Variants in ATRNL1 observed in about 807,000 individuals in gnomAD.
ATRNL1 encodes the protein attractin like 1.
A neutral mutation model predicts 182.7 loss-of-function variants in ATRNL1; 95 were observed. The ratio of observed to expected loss-of-function variants is 0.52; its 90% CI spans 0.44 to 0.62. ATRNL1 has a LOEUF of 0.62. ATRNL1 is among the 20% of genes least tolerant of loss of function. The probability of loss-of-function intolerance (pLI) is 0.00; values close to 1 mark genes in which losing one functional copy is unlikely to be tolerated. For synonymous variants in ATRNL1, 576 were observed against 568.3 expected (o/e 1.01, Z -0.19); for missense variants, 1,471 against 1,679.5 (o/e 0.88, Z 2.17).
At chr10:115,527,283 T>C (rs1851271733) in intron 25 of ATRNL1, among the ~76,000 whole-genome samples, 1 of 151,896 alleles carries the variant, frequency 6.6e-6, no homozygotes, top group Admixed American at 6.6e-5. Context: ...CACAGCTGAC[T>C]AAGTTTTTTG....
At chr10:115,680,867 C>T (rs1292477111) in intron 26 of ATRNL1, among the ~76,000 whole-genome samples, 2 of 151,966 alleles carry the variant, frequency 1.3e-5, no homozygotes, top group Admixed American at 1.3e-4. Flanking sequence ...ATGTGAATAC[C>T]ATGCTCTTTA....
intron 1 of ATRNL1, among the ~76,000 whole-genome samples, chr10:115,108,934 T>C (rs1844139549): frequency 2.0e-5 from 3 of 152,350 alleles, no homozygotes; most frequent in Admixed American, 6.5e-5. Flanking sequence ...TATTTGCTGC[T>C]TCATGTCAAG....
intron 1 of ATRNL1, among the ~76,000 whole-genome samples, chr10:115,113,435 A>G (rs1023865943): frequency 2.6e-5 from 4 of 152,124 alleles, no homozygotes; most frequent in Admixed American, 2.0e-4. Flanking sequence ...CCTAATTGAT[A>G]TGGTTTGGCT....
chr10:115,730,149 C>A (rs1555062217), intron 27 of ATRNL1, among the ~76,000 whole-genome samples: 1 of 147,496 alleles, frequency 6.8e-6, no homozygotes, highest in Non-Finnish European at 1.5e-5. Flanking sequence ...CCCAGTTACT[C>A]TGGAATATGA....
At chr10:115,531,480 T>G (rs1331908120) in intron 25 of ATRNL1, among the ~76,000 whole-genome samples, 2 of 152,054 alleles carry the variant, frequency 1.3e-5, no homozygotes, top group Non-Finnish European at 1.5e-5. Context: ...GGGTTGTTTG[T>G]TTTTTTCTTG....
chr10:115,770,281 G>A (rs1555076023), intron 27 of ATRNL1, among the ~76,000 whole-genome samples: 1 of 151,946 alleles, frequency 6.6e-6, no homozygotes, highest in African/African-American at 2.4e-5. Flanking sequence ...TGTGCATTCA[G>A]CTTCAAAATG....
intron 26 of ATRNL1, among the ~76,000 whole-genome samples, chr10:115,593,376 T>C (rs1354891228): frequency 2.0e-5 from 3 of 152,204 alleles, no homozygotes; most frequent in African/African-American, 7.2e-5. Context: ...AACAGCATGG[T>C]ATTGGCACAA....
Position 115,362,505 on chromosome 10 carries a change from G to C in ATRNL1, c.3175+28086G>C, listed in dbSNP as rs574232584. On this transcript the variant is annotated intron_variant, in intron 19 of 28. Transcript: ENST00000355044. ...TTAAAATCTGCTCAGCGGTTTACAA[G>C]TATGCAGTACATTGTTTTTTTTTTT... Among the ~76,000 whole-genome samples, 3 of 149,436 alleles carry C rather than the reference G, an allele frequency of 2.0e-5. No homozygotes were observed. In the East Asian group the frequency reaches 5.8e-4, roughly 29 times the overall value.
At chr10:115,755,252 T>C (rs782760421) in intron 27 of ATRNL1, among the ~76,000 whole-genome samples, 8 of 152,172 alleles carry the variant, frequency 5.3e-5, no homozygotes, top group Non-Finnish European at 1.2e-4. Flanking sequence ...TGTGCTGGTT[T>C]TCAAAGGTAA....
At chr10:115,934,896 T>A (rs1192688747) in intron 28 of ATRNL1, among the ~76,000 whole-genome samples, 1 of 152,220 alleles carries the variant, frequency 6.6e-6, no homozygotes, top group African/African-American at 2.4e-5. Flanking sequence ...CCATTTACAA[T>A]GTATGTCCTG....
intron 5 of ATRNL1, among the ~76,000 whole-genome samples, chr10:115,146,036 G>T (rs1468843408): frequency 6.6e-6 from 1 of 151,250 alleles, no homozygotes; most frequent in East Asian, 1.9e-4. Flanking sequence ...TAGAGATACT[G>T]TTAGGGTGTG....
At chr10:115,094,101 TCCCCGCCCCCCTCGCGGCCTC>T (rs1293817374) in intron 1 of ATRNL1, 58 bp downstream of exon 1, 37 of 1,297,342 alleles carry the variant, frequency 2.9e-5, no homozygotes, top group Middle Eastern at 5.8e-4. Context: ...GTCGCGGCCT[TCCCCGCCCCCCTCGCGGCCTC>T]CCCCGCCCCC....
intron 26 of ATRNL1, among the ~76,000 whole-genome samples, chr10:115,555,220 A>G (rs1554996737): frequency 6.6e-6 from 1 of 151,856 alleles, no homozygotes; most frequent in African/African-American, 2.4e-5. Flanking sequence ...ATAATTTTCT[A>G]AAGTTAGAAT....
chr10:115,869,495 G>C (rs1294070731), intron 28 of ATRNL1, among the ~76,000 whole-genome samples: 1 of 152,048 alleles, frequency 6.6e-6, no homozygotes, highest in African/African-American at 2.4e-5. Flanking sequence ...AGGTGGAAGA[G>C]GGGCCAGGGG....
At chr10:115,236,069 G>T (rs78716289) in intron 9 of ATRNL1, among the ~76,000 whole-genome samples, 1 of 151,962 alleles carries the variant, frequency 6.6e-6, no homozygotes, top group Admixed American at 6.6e-5. Flanking sequence ...TGCCTAGTGA[G>T]CTCCTTTCAA....
At chr10:115,225,144 G>T (rs1015135569) in intron 9 of ATRNL1, among the ~76,000 whole-genome samples, 3 of 151,656 alleles carry the variant, frequency 2.0e-5, no homozygotes, top group Admixed American at 6.6e-5. Context: ...AGATTATTTG[G>T]GTTCATTCAA....
At chr10:115,753,379 T>A (rs1327447998) in intron 27 of ATRNL1, among the ~76,000 whole-genome samples, 1 of 152,048 alleles carries the variant, frequency 6.6e-6, no homozygotes, top group Non-Finnish European at 1.5e-5. Context: ...CCTGTGTTCA[T>A]GTGTTCTAAT....
At chr10:115,421,919 G>A in intron 20 of ATRNL1, among the ~76,000 whole-genome samples, 1 of 151,976 alleles carries the variant, frequency 6.6e-6, no homozygotes, top group East Asian at 1.9e-4. Context: ...AGTCTTCAAT[G>A]AAGCTGACAA....
At chr10:115,530,849 A>G (rs1171631805) in intron 25 of ATRNL1, among the ~76,000 whole-genome samples, 4 of 137,942 alleles carry the variant, frequency 2.9e-5, no homozygotes, top group Admixed American at 8.2e-5. Context: ...TCATTGTTCA[A>G]TTCCCACCTA....
Sources: allele counts gnomAD v4.1 joint callset (sites outside exome capture counted in the v4.1 genomes callset), GRCh38; gene constraint gnomAD v4.1.1; transcripts MANE v1.5; gene names NCBI Gene and HGNC (gene_info 2026-07-23, HGNC 2026-07-21).